Variants in GALNTL6 observed in about 807,000 individuals in gnomAD.
GALNTL6 encodes the protein polypeptide N-acetylgalactosaminyltransferase-like 6.
In GALNTL6, 46 loss-of-function variants were observed where a neutral mutation model predicts 73.7. The observed-to-expected ratio is 0.62, with a 90% CI of 0.49 to 0.80. The LOEUF (loss-of-function observed/expected upper bound fraction) is 0.80, where lower values mean the gene tolerates loss of function less well. Among genes scored for constraint, GALNTL6 ranks in the 30% least tolerant of loss-of-function variants. The pLI is 0.00. For missense variants in GALNTL6, 604 were observed against 755.0 expected, an observed-to-expected ratio of 0.80 and a Z score of 2.34; for synonymous variants, 259 against 263.7, an observed-to-expected ratio of 0.98 and a Z score of 0.17.
intron 2 of GALNTL6, among the ~76,000 whole-genome samples, chr4:171,923,402 T>G (rs990665815): frequency 6.7e-6 from 1 of 148,740 alleles, no homozygotes; most frequent in South Asian, 2.1e-4. Context: ...GACTTTGTTT[T>G]TTTTTTTTTT....
intron 7 of GALNTL6, among the ~76,000 whole-genome samples, chr4:172,853,248 G>A (rs1743935160): frequency 1.3e-5 from 2 of 152,226 alleles, no homozygotes; most frequent in African/African-American, 4.8e-5. Context: ...GAAAGCTTCA[G>A]CTTTTTCTGG....
At chr4:172,207,570 A>G (rs1311458967) in intron 2 of GALNTL6, among the ~76,000 whole-genome samples, 1 of 152,210 alleles carries the variant, frequency 6.6e-6, no homozygotes. Context: ...ACCCTTTGTC[A>G]GAGCCAATAC....
chr4:172,308,573 C>T lies in GALNTL6; in HGVS notation c.248-3041C>T, dbSNP rs1304435174. Among the ~76,000 whole-genome samples the T allele has an allele frequency of 2.6e-5, 4 of 152,200 alleles. No homozygotes were observed. The South Asian group carries it at 6.2e-4, about 24-fold the overall frequency. ...TGGATTTTGTCAGATGCTTTTTCTGCATCTATTGAGATAATCATATGATTT... is the reference window on the plus strand; with the variant it reads ...TGGATTTTGTCAGATGCTTTTTCTGTATCTATTGAGATAATCATATGATTT... On this transcript the variant is annotated intron_variant, in intron 3 of 12. Coordinates refer to ENST00000506823, the MANE Select transcript of GALNTL6 (RefSeq NM_001034845.3).
intron 5 of GALNTL6, among the ~76,000 whole-genome samples, chr4:172,577,216 GAC>G (rs1736989306): frequency 6.6e-6 from 1 of 152,160 alleles, no homozygotes; most frequent in Non-Finnish European, 1.5e-5. Context: ...TAGCACTACT[GAC>G]ACAGTAAAAA....
At chr4:172,078,765 G>A (rs2877689) in intron 2 of GALNTL6, among the ~76,000 whole-genome samples, 48,576 of 151,896 alleles carry the variant, frequency 0.32, 9,037 homozygotes, top group East Asian at 0.52. Context: ...GGGTGTATTC[G>A]TATCTTTTTT....
intron 12 of GALNTL6, among the ~76,000 whole-genome samples, chr4:173,023,209 T>C (rs1753088117): frequency 1.3e-5 from 2 of 152,198 alleles, no homozygotes; most frequent in Admixed American, 6.5e-5. Flanking sequence ...ATGTTACTTG[T>C]TGCCTTACTT....
chr4:172,914,874 G>A (rs976629091), intron 8 of GALNTL6, among the ~76,000 whole-genome samples: 11 of 152,144 alleles, frequency 7.2e-5, no homozygotes, highest in Non-Finnish European at 1.6e-4. Flanking sequence ...TCCAGGACTT[G>A]AACACAGCTC....
chr4:172,352,206 G>A (rs1162165175), intron 5 of GALNTL6, among the ~76,000 whole-genome samples: 3 of 152,070 alleles, frequency 2.0e-5, no homozygotes, highest in Non-Finnish European at 2.9e-5. Context: ...GCTTAAATAA[G>A]ATTGACCTAG....
At chr4:172,673,411 C>T (rs1359222421) in intron 5 of GALNTL6, among the ~76,000 whole-genome samples, 6 of 152,084 alleles carry the variant, frequency 3.9e-5, no homozygotes, top group African/African-American at 1.4e-4. Context: ...GATTTTAGAG[C>T]ATGTACCATG....
intron 2 of GALNTL6, among the ~76,000 whole-genome samples, chr4:171,971,609 C>A (rs368706): frequency 7.2e-5 from 11 of 152,234 alleles, no homozygotes; most frequent in Admixed American, 1.3e-4. Flanking sequence ...GCATGCAGTC[C>A]TCTCCAAAAC....
At chr4:172,802,355 G>A (rs1405059921) in intron 5 of GALNTL6, among the ~76,000 whole-genome samples, 4 of 151,982 alleles carry the variant, frequency 2.6e-5, no homozygotes, top group Admixed American at 6.6e-5. Flanking sequence ...CTTGAAGCAC[G>A]ACAAGATAAT....
intron 2 of GALNTL6, among the ~76,000 whole-genome samples, chr4:172,071,874 A>G (rs1248876564): frequency 6.6e-6 from 1 of 152,220 alleles, no homozygotes; most frequent in Non-Finnish European, 1.5e-5. Flanking sequence ...AGGGTATGCT[A>G]TGTGACTGGA....
At chr4:172,627,471 C>T (rs1739211668) in intron 5 of GALNTL6, among the ~76,000 whole-genome samples, 1 of 150,296 alleles carries the variant, frequency 6.7e-6, no homozygotes, top group African/African-American at 2.4e-5. Context: ...AGTATCTTTG[C>T]CAGGTTTTGG....
At chr4:172,155,874 C>G (rs781065426) in intron 2 of GALNTL6, among the ~76,000 whole-genome samples, 6 of 152,000 alleles carry the variant, frequency 3.9e-5, no homozygotes, top group Non-Finnish European at 7.4e-5. Flanking sequence ...TCCTTTTGCT[C>G]TTATCTAGTA....
intron 5 of GALNTL6, among the ~76,000 whole-genome samples, chr4:172,478,747 A>G (rs1268673026): frequency 1.3e-5 from 2 of 152,186 alleles, no homozygotes; most frequent in Non-Finnish European, 1.5e-5. Context: ...ATATTTATGA[A>G]CTATACTTCT....
At chr4:172,991,651 T>C (rs1057121692) in intron 10 of GALNTL6, among the ~76,000 whole-genome samples, 1 of 151,948 alleles carries the variant, frequency 6.6e-6, no homozygotes, top group Non-Finnish European at 1.5e-5. Context: ...CAAATTATCC[T>C]CCCACCTCAG....
rs193166535 is a variant in GALNTL6, at chr4:172,069,841, A to G, written c.139-159815A>G. On this transcript the variant is annotated intron_variant, in intron 2 of 12. Coordinates refer to ENST00000506823, the MANE Select transcript of GALNTL6 (RefSeq NM_001034845.3). The stretch of plus-strand genomic sequence containing the variant: ...TGCCAGAATCTGATATGGACAGACA[A>G]GAAAACACACCTGCTTTCCTAGTTG... Among the ~76,000 whole-genome samples, 21 of 107,018 alleles carry G rather than the reference A, an allele frequency of 2.0e-4. 8 individuals are homozygous for G. The highest frequency in any genetic ancestry group is 7.4e-4 in the African/African-American group (21 of 28,240). The allele number at this position is 107,018 out of a possible 152,430, so 70.2% of individuals were successfully genotyped here.
intron 12 of GALNTL6, among the ~76,000 whole-genome samples, chr4:173,033,987 G>A (rs1033333203): frequency 1.1e-4 from 16 of 152,136 alleles, no homozygotes; most frequent in East Asian, 1.9e-4. Flanking sequence ...TCTCCAACTC[G>A]TCATACCTAA....
intron 2 of GALNTL6, among the ~76,000 whole-genome samples, chr4:172,058,153 T>TTTGTTTTGTTTTGTC (rs70941380): frequency 1.3e-5 from 2 of 149,744 alleles, no homozygotes; most frequent in Non-Finnish European, 3.0e-5. Context: ...TTTGTTTTGT[T>TTTGTTTTGTTTTGTC]GTACAGACCA....
Sources: gnomAD v4.1 joint callset for allele counts (sites outside exome capture counted in the v4.1 genomes callset) on GRCh38, gnomAD v4.1.1 for gene constraint, MANE v1.5 for transcripts, NCBI Gene and HGNC (gene_info 2026-07-23, HGNC 2026-07-21) for gene names.